The following RBPJ variants were observed in gnomAD, a reference collection of about 807,000 sequenced individuals.
The protein encoded by RBPJ is recombination signal binding protein for immunoglobulin kappa J region.
In RBPJ, 9 loss-of-function variants were observed where a neutral mutation model predicts 67.8. The observed-to-expected ratio is 0.13, with a 90% CI of 0.08 to 0.23. The LOEUF (loss-of-function observed/expected upper bound fraction) is 0.23. Ranked by LOEUF, RBPJ falls within the 10% of genes least tolerant of loss-of-function variation. The pLI is 1.00. For synonymous variants in RBPJ, 198 were observed against 203.3 expected, an observed-to-expected ratio of 0.97 and a Z score of 0.22; for missense variants, 305 against 595.6, an observed-to-expected ratio of 0.51 and a Z score of 5.08.
At chr4:26,422,104 C>G (rs1265224246) in intron 5 of RBPJ, among the ~76,000 whole-genome samples, 1 of 152,056 alleles carries the variant, frequency 6.6e-6, no homozygotes, top group African/African-American at 2.4e-5. Flanking sequence ...TTCTCTGTCT[C>G]TCTTACTTTC....
the RBPJ span, among the ~76,000 whole-genome samples, chr4:26,133,047 T>C: frequency 3.3e-4 from 51 of 152,338 alleles, no homozygotes; most frequent in African/African-American, 1.2e-3. Context: ...GAGCTTCAGC[T>C]CCACCTTGAG....
At chr4:26,312,590 C>T (rs754520894) in intron 1 of RBPJ, among the ~76,000 whole-genome samples, 18 of 152,190 alleles carry the variant, frequency 1.2e-4, no homozygotes, top group Non-Finnish European at 2.1e-4. Flanking sequence ...TTCTTGTCTT[C>T]TGAACTCCCA....
chr4:26,186,944 G>A (rs1717287565), intron 1 of RBPJ, among the ~76,000 whole-genome samples: 1 of 152,076 alleles, frequency 6.6e-6, no homozygotes, highest in African/African-American at 2.4e-5. Context: ...AACAAGGCCT[G>A]GCGCAGTGGA....
At chr4:26,263,129 A>T (rs939303211) in intron 1 of RBPJ, among the ~76,000 whole-genome samples, 4 of 152,084 alleles carry the variant, frequency 2.6e-5, no homozygotes, top group African/African-American at 7.2e-5. Flanking sequence ...TTTACAACAC[A>T]TCTTAGTTTT....
At chr4:26,191,367 G>A (rs1222018146) in intron 1 of RBPJ, among the ~76,000 whole-genome samples, 1 of 150,770 alleles carries the variant, frequency 6.6e-6, no homozygotes, top group Non-Finnish European at 1.5e-5. Context: ...GAGAACAACT[G>A]CAGCTCCACA....
At chr4:26,188,145 G>T (rs751969153) in intron 1 of RBPJ, among the ~76,000 whole-genome samples, 2 of 152,106 alleles carry the variant, frequency 1.3e-5, no homozygotes, top group Non-Finnish European at 2.9e-5. Flanking sequence ...GGAGGTGAAG[G>T]TTGCAGTGAG....
intron 1 of RBPJ, among the ~76,000 whole-genome samples, chr4:26,295,298 G>A (rs1047088974): frequency 6.6e-6 from 1 of 151,046 alleles, no homozygotes; most frequent in Non-Finnish European, 1.5e-5. Context: ...GGGTGTGTGT[G>A]GGTCTTCCAC....
intron 1 of RBPJ, among the ~76,000 whole-genome samples, chr4:26,335,601 C>T (rs1170384792): frequency 6.6e-6 from 1 of 151,474 alleles, no homozygotes; most frequent in African/African-American, 2.4e-5. Flanking sequence ...CTTCCCCAGC[C>T]CACATATGCT....
chr4:26,109,807 AAT>A, the RBPJ span, among the ~76,000 whole-genome samples: 1 of 151,470 alleles, frequency 6.6e-6, no homozygotes, highest in Admixed American at 6.6e-5. Context: ...AGCAACAATA[AAT>A]ATATCTTTAT....
At chr4:26,323,206 A>G (rs534458989) in intron 1 of RBPJ, among the ~76,000 whole-genome samples, 76 of 152,178 alleles carry the variant, frequency 5.0e-4, no homozygotes, top group African/African-American at 1.7e-3. Context: ...GGTTTTACCA[A>G]TAATCTTATG....
At chr4:26,214,894 AAGAG>A (rs1718607501) in intron 1 of RBPJ, among the ~76,000 whole-genome samples, 1 of 55,068 alleles carries the variant, frequency 1.8e-5, no homozygotes, top group Non-Finnish European at 3.1e-5. Flanking sequence ...AGAGAGAAAA[AAGAG>A]AAAAAGAAAG....
chr4:26,294,765 C>G (rs951628096), intron 1 of RBPJ, among the ~76,000 whole-genome samples: 1 of 151,762 alleles, frequency 6.6e-6, no homozygotes, highest in Non-Finnish European at 1.5e-5. Context: ...GCCTGTAATC[C>G]CAGCTACTCG....
the RBPJ span, among the ~76,000 whole-genome samples, chr4:26,131,855 A>G: frequency 2.2e-3 from 337 of 152,304 alleles, 1 homozygote; most frequent in African/African-American, 7.8e-3. Flanking sequence ...CAGCCACAGG[A>G]AACCAATAGA....
chr4:26,338,304 C>T (rs570138928), intron 1 of RBPJ, among the ~76,000 whole-genome samples: 84 of 151,102 alleles, frequency 5.6e-4, no homozygotes, highest in African/African-American at 1.8e-3. Flanking sequence ...TACAGGTGTG[C>T]GCCACCATGC....
rs879217953 is a variant in RBPJ at position 26,386,405 on chromosome 4, TAGTC to T, written c.59+17_59+20del. On this transcript the variant is annotated intron_variant, in intron 2 of 10. Transcript: ENST00000355476. Reference sequence around the variant, plus strand: ...ACGACTTACTAGGTGAGTATTATATTAGTCAGCTTTTTACACATACATTTTATGA... The same window carrying T: ...ACGACTTACTAGGTGAGTATTATATTAGCTTTTTACACATACATTTTATGA... 6.4e-7 allele frequency: 1 copy of T among 1,563,750 alleles called. No homozygotes were observed. The highest frequency in any genetic ancestry group is 8.7e-7 in the Non-Finnish European group (1 of 1,146,556).
At chr4:26,201,065 C>T (rs950455002) in intron 1 of RBPJ, among the ~76,000 whole-genome samples, 3 of 152,188 alleles carry the variant, frequency 2.0e-5, no homozygotes, top group Non-Finnish European at 4.4e-5. Flanking sequence ...TTAAGATAAT[C>T]TTTGGGGTCT....
At chr4:26,136,531 T>C in the RBPJ span, among the ~76,000 whole-genome samples, 1,409 of 152,300 alleles carry the variant, frequency 9.3e-3, 18 homozygotes, top group African/African-American at 0.032. Context: ...AGGAAGACTT[T>C]GGATGGAAAC....
chr4:26,182,186 C>CA (rs1306677867), intron 1 of RBPJ, among the ~76,000 whole-genome samples: 2 of 151,974 alleles, frequency 1.3e-5, no homozygotes, highest in Non-Finnish European at 2.9e-5. Flanking sequence ...ACTAAAAGTA[C>CA]AAAAAATTAG....
intron 1 of RBPJ, among the ~76,000 whole-genome samples, chr4:26,351,364 A>G (rs1241214401): frequency 6.6e-6 from 1 of 151,912 alleles, no homozygotes; most frequent in African/African-American, 2.4e-5. Context: ...GTCTCCAGGC[A>G]TCACTTGAGA....
Sources: gnomAD v4.1 joint callset for allele counts (sites outside exome capture counted in the v4.1 genomes callset) on GRCh38, gnomAD v4.1.1 for gene constraint, MANE v1.5 for transcripts, NCBI Gene and HGNC (gene_info 2026-07-23, HGNC 2026-07-21) for gene names.